ERGIC1: variants seen among roughly 807,000 people sequenced by gnomAD.
The protein encoded by ERGIC1 is endoplasmic reticulum-golgi intermediate compartment 1.
A neutral mutation model predicts 38.3 loss-of-function variants in ERGIC1; 19 were observed. That is an observed-to-expected ratio of 0.50 (90% CI 0.35 to 0.73). The LOEUF (loss-of-function observed/expected upper bound fraction) is 0.73. ERGIC1 is among the 30% of genes least tolerant of loss of function. ERGIC1 has a pLI of 0.01. For synonymous variants in ERGIC1, 124 were observed against 157.6 expected, an observed-to-expected ratio of 0.79 and a Z score of 1.60; for missense variants, 294 against 389.2, an observed-to-expected ratio of 0.76 and a Z score of 2.06.
intron 7 of ERGIC1, among the ~76,000 whole-genome samples, chr5:172,931,857 CTT>C (rs375589121): frequency 5.1e-4 from 63 of 123,058 alleles, no homozygotes; most frequent in Middle Eastern, 4.5e-3. Context: ...AGCACCCACA[CTT>C]TTTTTTTTTT....
Position 172,834,513 on chromosome 5 carries a change from G to T in ERGIC1, c.20+80G>T. On this transcript the variant is annotated intron_variant, in intron 1 of 9. Coordinates refer to ENST00000393784, the MANE Select transcript of ERGIC1 (RefSeq NM_001031711.3). The surrounding 1 kb of genome is among the most constrained non-coding windows in gnomAD (Gnocchi z 4.1). ...CCCCGGCACGCCGCGGACCCCTCCC[G>T]CCCTGCATGCAAAAGCGGCTCCCCG... is the stretch of plus-strand genomic sequence containing the variant. 2 of 1,221,080 alleles carry T rather than the reference G, an allele frequency of 1.6e-6. No individual in the cohort carries two copies. Among genetic ancestry groups the T allele is most frequent in the South Asian group, 6.4e-5 (2 of 31,242 alleles). 75.6% of individuals were successfully genotyped at this position (1,221,080 alleles called of 1,614,324 possible).
intron 9 of ERGIC1, among the ~76,000 whole-genome samples, chr5:172,946,939 T>C (rs749594551): frequency 6.6e-6 from 1 of 151,838 alleles, no homozygotes; most frequent in Non-Finnish European, 1.5e-5. Flanking sequence ...TCCCACCACT[T>C]TGGGGAGGCC....
intron 9 of ERGIC1, among the ~76,000 whole-genome samples, chr5:172,941,116 TA>T (rs1764001835): frequency 1.3e-5 from 2 of 152,182 alleles, no homozygotes; most frequent in South Asian, 2.1e-4. Context: ...TTGTCTCTAC[TA>T]AAAATACAAA....
chr5:172,887,349 G>A (rs941305586), intron 1 of ERGIC1, among the ~76,000 whole-genome samples: 1 of 152,236 alleles, frequency 6.6e-6, no homozygotes, highest in Non-Finnish European at 1.5e-5. Flanking sequence ...TGTCTGCTAC[G>A]CAGGTTCAAG....
At chr5:172,928,245 G>A (rs562418328) in intron 7 of ERGIC1, among the ~76,000 whole-genome samples, 2 of 152,308 alleles carry the variant, frequency 1.3e-5, no homozygotes, top group East Asian at 1.9e-4. Flanking sequence ...GCCTTCTCCA[G>A]GGCTAGTGGC....
chr5:172,933,241 C>T (rs1000916965), intron 8 of ERGIC1: 3 of 152,278 alleles, frequency 2.0e-5, no homozygotes, highest in Admixed American at 1.3e-4. Context: ...CCTTTTTCTT[C>T]TGTTCCAAGG....
intron 1 of ERGIC1, among the ~76,000 whole-genome samples, chr5:172,860,587 G>A (rs1217129013): frequency 6.6e-6 from 1 of 152,224 alleles, no homozygotes; most frequent in African/African-American, 2.4e-5. Context: ...GCAAGCCTCA[G>A]AGCTGTGACC....
At chr5:172,927,571 CTGCTG>C (rs1395883855) in intron 7 of ERGIC1, among the ~76,000 whole-genome samples, 9 of 148,734 alleles carry the variant, frequency 6.1e-5, no homozygotes, top group Admixed American at 3.4e-4. Flanking sequence ...TCTTGCAGCT[CTGCTG>C]TGCTTTTTTT....
chr5:172,935,452 G>A, intron 9 of ERGIC1, 142 bp downstream of exon 9: 1 of 1,066,258 alleles, frequency 9.4e-7, no homozygotes, highest in Non-Finnish European at 1.3e-6. Context: ...GGGCACAGGA[G>A]GCTTCGACCC....
chr5:172,912,343 A>C (rs1451078161), intron 4 of ERGIC1, among the ~76,000 whole-genome samples: 2 of 152,198 alleles, frequency 1.3e-5, no homozygotes, highest in Non-Finnish European at 2.9e-5. Flanking sequence ...CCCTAGATGT[A>C]GAATGGGACT....
chr5:172,836,669 A>T (rs1039929454), intron 1 of ERGIC1, among the ~76,000 whole-genome samples: 38 of 152,138 alleles, frequency 2.5e-4, no homozygotes, highest in African/African-American at 8.4e-4. Context: ...GTCCATGCTC[A>T]GCCCTCTGCC....
Position 172,834,407 on chromosome 5 carries a change from C to A in ERGIC1, c.-7C>A. ...CCTGCAGCGCTCCCACCCCCGGCGGCGGCACGATGCCCTTTGACTTCAGGA... is the reference window on the plus strand; with the variant it reads ...CCTGCAGCGCTCCCACCCCCGGCGGAGGCACGATGCCCTTTGACTTCAGGA... On this transcript the variant is annotated 5_prime_UTR_variant, in exon 1 of 10. Transcript: ENST00000393784. This position sits in a 1 kb window ranked among gnomAD's most constrained non-coding sequence, Gnocchi z 4.1. 2 of 1,329,176 alleles carry A rather than the reference C, an allele frequency of 1.5e-6. No individual in the cohort carries two copies. Among genetic ancestry groups the A allele is most frequent in the Non-Finnish European group, 9.7e-7 (1 of 1,035,756 alleles). The allele number at this position is 1,329,176 out of a possible 1,614,324, so 82.3% of individuals were successfully genotyped here.
At chr5:172,849,756 C>T (rs771552985) in intron 1 of ERGIC1, among the ~76,000 whole-genome samples, 5 of 152,184 alleles carry the variant, frequency 3.3e-5, no homozygotes, top group Admixed American at 6.5e-5. Context: ...TGTCCTGGTG[C>T]ATAGCACAAG....
intron 3 of ERGIC1, among the ~76,000 whole-genome samples, chr5:172,908,124 A>G (rs949664894): frequency 6.6e-6 from 1 of 151,170 alleles, no homozygotes; most frequent in African/African-American, 2.4e-5. Context: ...TGGCCGTGTT[A>G]CCTTGCATTC....
chr5:172,893,939 A>ATATATATATATATATATG lies in ERGIC1; in HGVS notation c.83-3048_83-3047insATGTATATATATATATAT, dbSNP rs1249616716. 3.1e-4 allele frequency among the ~76,000 whole-genome samples: 11 copies of ATATATATATATATATATG among 35,804 alleles called. 1 individual carries two copies. The East Asian group carries it at 6.3e-3, about 20-fold the overall frequency. 23.5% of individuals were successfully genotyped at this position (35,804 alleles called of 152,430 possible). The stretch of plus-strand genomic sequence containing the variant: ...TGTGTGTGTGTGTGTGTGTGTGTAT[A>ATATATATATATATATATG]TATATATATATATATTTAAATGTCC... On this transcript the variant is annotated intron_variant, in intron 2 of 9. Transcript: ENST00000393784.
chr5:172,892,672 T>G (rs922733690), intron 2 of ERGIC1, among the ~76,000 whole-genome samples: 2 of 152,212 alleles, frequency 1.3e-5, no homozygotes, highest in Non-Finnish European at 2.9e-5. Context: ...TGAAAAACCT[T>G]CATCAAGCCT....
At chr5:172,908,311 G>GA (rs1368536476) in intron 3 of ERGIC1, among the ~76,000 whole-genome samples, 1,766 of 31,710 alleles carry the variant, frequency 0.056, 294 homozygotes, top group Non-Finnish European at 0.073. Context: ...GGGGGCGGGG[G>GA]GGGGGGGAGA....
intron 5 of ERGIC1, among the ~76,000 whole-genome samples, chr5:172,920,860 C>G (rs892369891): frequency 1.3e-5 from 2 of 152,254 alleles, no homozygotes; most frequent in Admixed American, 1.3e-4. Flanking sequence ...GGGTTTCTTA[C>G]TCCCAGGGGT....
chr5:172,944,867 C>T (rs561751799), intron 9 of ERGIC1, among the ~76,000 whole-genome samples: 42 of 152,346 alleles, frequency 2.8e-4, no homozygotes, highest in Admixed American at 1.6e-3. Context: ...TCTCCCCCTC[C>T]AGGCCCACCT....
Sources: gnomAD v4.1 joint callset for allele counts (sites outside exome capture counted in the v4.1 genomes callset) on GRCh38, gnomAD v4.1.1 for gene constraint, Gnocchi (gnomAD v3.1) non-coding constraint, MANE v1.5 for transcripts, NCBI Gene and HGNC (gene_info 2026-07-23, HGNC 2026-07-21) for gene names.